LHFPL2: variants seen among roughly 807,000 people sequenced by gnomAD.
LHFPL2 encodes LHFPL tetraspan subfamily member 2 protein.
LHFPL2 carries 7 observed loss-of-function variants against 17.5 expected under a neutral mutation model. The ratio of observed to expected loss-of-function variants is 0.40; its 90% CI spans 0.23 to 0.75. LHFPL2 has a LOEUF of 0.75. Ranked by LOEUF, LHFPL2 falls within the 30% of genes least tolerant of loss-of-function variation. LHFPL2 has a pLI of 0.37. For synonymous variants in LHFPL2, 134 were observed against 116.2 expected, an observed-to-expected ratio of 1.15 and a Z score of -0.99; for missense variants, 241 against 294.8, an observed-to-expected ratio of 0.82 and a Z score of 1.34.
intron 1 of LHFPL2, chr5:78,641,955 C>T (rs1745682248): frequency 1.7e-5 from 2 of 115,128 alleles, no homozygotes; most frequent in Non-Finnish European, 3.6e-5. Context: ...GCTCAAGCTG[C>T]TATAATAAAA....
At chr5:78,553,371 C>T (rs961995623) in intron 3 of LHFPL2, among the ~76,000 whole-genome samples, 1 of 152,204 alleles carries the variant, frequency 6.6e-6, no homozygotes, top group Non-Finnish European at 1.5e-5. Flanking sequence ...CCTCCTCTGT[C>T]CCCAATATAA....
At chr5:78,612,544 T>C (rs1186550722) in intron 2 of LHFPL2, among the ~76,000 whole-genome samples, 1 of 152,248 alleles carries the variant, frequency 6.6e-6, no homozygotes, top group Admixed American at 6.5e-5. Context: ...GGCTCAGTTA[T>C]TCAACAGCTT....
At chr5:78,642,776 C>T (rs141004494) in intron 1 of LHFPL2, among the ~76,000 whole-genome samples, 4 of 152,112 alleles carry the variant, frequency 2.6e-5, no homozygotes, top group African/African-American at 7.2e-5. Context: ...TTACTCCTTG[C>T]CATCTCTCTC....
At chr5:78,580,862 A>G (rs1743105578) in intron 2 of LHFPL2, among the ~76,000 whole-genome samples, 1 of 152,128 alleles carries the variant, frequency 6.6e-6, no homozygotes, top group Non-Finnish European at 1.5e-5. Flanking sequence ...ACTTTAAAGT[A>G]GTTTTTTCCA....
chr5:78,603,753 C>A (rs1000274192), intron 2 of LHFPL2, among the ~76,000 whole-genome samples: 16 of 151,798 alleles, frequency 1.1e-4, no homozygotes, highest in Non-Finnish European at 2.2e-4. Flanking sequence ...TTTAAAAAAA[C>A]ACACAGATGT....
intron 3 of LHFPL2, among the ~76,000 whole-genome samples, chr5:78,535,941 C>G (rs908500292): frequency 6.6e-6 from 1 of 152,196 alleles, no homozygotes; most frequent in Non-Finnish European, 1.5e-5. Flanking sequence ...TGTTTATGCC[C>G]TACGGGGACC....
chr5:78,510,446 C>T, intron 3 of LHFPL2, 48 bp from the exon 4 acceptor site: 1 of 522,964 alleles, frequency 1.9e-6, no homozygotes. Flanking sequence ...CCCCGCCCCG[C>T]CTTCCCGCCG....
In LHFPL2 at chr5:78,599,580, T is replaced by G. The variant is rs192533645; in HGVS notation, c.-245+32684A>C. 3.5e-3 allele frequency among the ~76,000 whole-genome samples: 537 copies of G among 152,158 alleles called. 5 individuals carry two copies. The highest frequency in any genetic ancestry group is 0.012 in the African/African-American group (517 of 41,492). ...CCTCGGCCTCCCAAAGTGCTGGGAT[T>G]ACAGGCATGAGCCACTACACCCAGC... On this transcript the variant is annotated intron_variant, in intron 2 of 4. Transcript: ENST00000380345.
At chr5:78,561,812 C>T (rs894377483) in intron 3 of LHFPL2, among the ~76,000 whole-genome samples, 1 of 152,072 alleles carries the variant, frequency 6.6e-6, no homozygotes, top group Non-Finnish European at 1.5e-5. Context: ...GTCATTTGCT[C>T]GAGGACATTC....
chr5:78,618,023 T>G, intron 2 of LHFPL2, among the ~76,000 whole-genome samples: 1 of 151,924 alleles, frequency 6.6e-6, no homozygotes, highest in East Asian at 1.9e-4. Flanking sequence ...GCCAACATGG[T>G]GAGACCCCAT....
intron 4 of LHFPL2, among the ~76,000 whole-genome samples, chr5:78,505,502 A>G (rs1325358488): frequency 2.6e-5 from 4 of 152,156 alleles, no homozygotes; most frequent in Non-Finnish European, 5.9e-5. Context: ...TTTCTTGTCA[A>G]TTTGACTGCT....
At chr5:78,587,162 A>C (rs1369416842) in intron 2 of LHFPL2, among the ~76,000 whole-genome samples, 1 of 152,222 alleles carries the variant, frequency 6.6e-6, no homozygotes, top group African/African-American at 2.4e-5. Context: ...AGGCAAGTCT[A>C]AATACCTTGA....
Position 78,522,192 on chromosome 5 carries a change from T to C in LHFPL2, c.-185-11794A>G, listed in dbSNP as rs80165273. Among the ~76,000 whole-genome samples, 3 of 152,162 alleles carry C rather than the reference T, an allele frequency of 2.0e-5. No individual in the cohort carries two copies. In the East Asian group the frequency reaches 5.8e-4, roughly 29 times the overall value. On this transcript the variant is annotated intron_variant, in intron 3 of 4. Coordinates refer to ENST00000380345, the MANE Select transcript of LHFPL2 (RefSeq NM_005779.3). ...GGCATGTTGGCTCACAGCTGTAATC[T>C]AGGGAGGCCCAGGCGGGTGGATCAC... is the stretch of plus-strand genomic sequence containing the variant.
chr5:78,537,690 A>C (rs1755991881), intron 3 of LHFPL2, among the ~76,000 whole-genome samples: 1 of 152,156 alleles, frequency 6.6e-6, no homozygotes, highest in Non-Finnish European at 1.5e-5. Flanking sequence ...TGCAAGACAT[A>C]TTTTTCACCC....
At chr5:78,499,836 A>G (rs1754718379) in intron 4 of LHFPL2, among the ~76,000 whole-genome samples, 1 of 152,180 alleles carries the variant, frequency 6.6e-6, no homozygotes, top group Non-Finnish European at 1.5e-5. Flanking sequence ...TCTGAGTGTC[A>G]CCAACCTTAC....
intron 2 of LHFPL2, among the ~76,000 whole-genome samples, chr5:78,596,331 C>T (rs540403034): frequency 3.3e-4 from 50 of 152,330 alleles, no homozygotes; most frequent in Non-Finnish European, 6.6e-4. Context: ...CATCATCCTA[C>T]AGAAGGTAAG....
At chr5:78,532,034 C>T (rs1388759231) in intron 3 of LHFPL2, among the ~76,000 whole-genome samples, 1 of 152,022 alleles carries the variant, frequency 6.6e-6, no homozygotes, top group African/African-American at 2.4e-5. Flanking sequence ...AAGTGATTCT[C>T]CTGCCTCAGC....
chr5:78,523,443 G>A (rs914869169), intron 3 of LHFPL2, among the ~76,000 whole-genome samples: 1 of 152,126 alleles, frequency 6.6e-6, no homozygotes, highest in Non-Finnish European at 1.5e-5. Context: ...CAGTGAGGGG[G>A]TAGAAGAAGG....
chr5:78,508,569 G>GA (rs1354182992), intron 4 of LHFPL2, among the ~76,000 whole-genome samples: 21 of 152,292 alleles, frequency 1.4e-4, no homozygotes, highest in South Asian at 2.1e-4. Flanking sequence ...GGCTGTTTGG[G>GA]AAAAAACTGT....
Sources: gnomAD v4.1 joint callset for allele counts (sites outside exome capture counted in the v4.1 genomes callset) on GRCh38, gnomAD v4.1.1 for gene constraint, MANE v1.5 for transcripts, NCBI Gene and HGNC (gene_info 2026-07-23, HGNC 2026-07-21) for gene names.